ABCA3: variants seen among roughly 807,000 people sequenced by gnomAD.
ABCA3 encodes ATP binding cassette subfamily A member 3.
A neutral mutation model predicts 172.8 loss-of-function variants in ABCA3; 88 were observed. The ratio of observed to expected loss-of-function variants is 0.51; its 90% CI spans 0.43 to 0.61. The LOEUF (loss-of-function observed/expected upper bound fraction) is 0.61. ABCA3 is among the 20% of genes least tolerant of loss of function. The probability of loss-of-function intolerance (pLI) is 0.00; values close to 1 mark genes in which losing one functional copy is unlikely to be tolerated. For synonymous variants in ABCA3, 1,066 were observed against 983.8 expected, an observed-to-expected ratio of 1.08 and a Z score of -1.56; for missense variants, 2,164 against 2,301.0, an observed-to-expected ratio of 0.94 and a Z score of 1.22.
At chr16:2,332,813 G>T in intron 1 of ABCA3, 1 of 615,524 alleles carries the variant, frequency 1.6e-6, no homozygotes, top group Non-Finnish European at 2.8e-6. Context: ...ATTCCTATGT[G>T]CCCTTTTTTT....
intron 1 of ABCA3, among the ~76,000 whole-genome samples, chr16:2,333,959 T>C (rs2093747526): frequency 6.6e-6 from 1 of 152,166 alleles, no homozygotes; most frequent in Non-Finnish European, 1.5e-5. Flanking sequence ...AAGTGCATGC[T>C]GGGATTACAG....
intron 10 of ABCA3, among the ~76,000 whole-genome samples, chr16:2,316,490 CAAAAAAAAAA>C (rs71148128): frequency 1.5e-3 from 42 of 28,858 alleles, no homozygotes; most frequent in Non-Finnish European, 2.2e-3. Flanking sequence ...ACTAAAAATG[CAAAAAAAAAA>C]AAAAAAAAAA....
rs541616222 is a variant in ABCA3 at position 2,283,159 on chromosome 16, G to C, written c.4035+27C>G. On this transcript the variant is annotated intron_variant, in intron 26 of 32. Transcript: ENST00000301732. This position sits in a 1 kb window ranked among gnomAD's most constrained non-coding sequence, Gnocchi z 5.4. Reference sequence around the variant, plus strand: ...CAGAGACGTGGGGAGCATCTCGCCAGTGTCCTGGGCTCCCGGAGCCACTCA... The same window carrying C: ...CAGAGACGTGGGGAGCATCTCGCCACTGTCCTGGGCTCCCGGAGCCACTCA... 4.3e-6 allele frequency: 7 copies of C among 1,609,666 alleles called. No homozygotes were observed. The Admixed American group carries it at 6.7e-5, about 15-fold the overall frequency.
At chr16:2,318,960 T>G (rs1356482860) in intron 8 of ABCA3, among the ~76,000 whole-genome samples, 1 of 152,192 alleles carries the variant, frequency 6.6e-6, no homozygotes, top group East Asian at 1.9e-4. Flanking sequence ...TGCACACTTT[T>G]TTTTTTTTCA....
intron 1 of ABCA3, among the ~76,000 whole-genome samples, chr16:2,334,665 C>T (rs1046553587): frequency 1.3e-5 from 2 of 151,100 alleles, no homozygotes; most frequent in South Asian, 4.2e-4. Flanking sequence ...TACAGATGCC[C>T]GCCACCACAC....
Position 2,319,795 on chromosome 16 carries a change from C to G in ABCA3, c.659G>C (p.Arg220Pro). 1.2e-6 allele frequency: 2 copies of G among 1,613,992 alleles called. No homozygotes were observed. Among genetic ancestry groups the G allele is most frequent in the South Asian group, 1.1e-5 (1 of 91,082 alleles). The stretch of plus-strand genomic sequence containing the variant: ...ATCGGCATGGTACTCCATGATGGCC[C>G]GGTCCACAGCATGCTGCACGGCCAG... ...GFLAVQHAVD[R>P]AIMEYHADAA... Residue 220 changes from arginine (R) to proline (P), a missense_variant, in exon 8 of 33, where the codon CGG becomes CCG. Physicochemically the swap from Arg to Pro is moderately radical, Grantham distance 103 (BLOSUM62 -2). Coordinates refer to ENST00000301732, the MANE Select transcript of ABCA3 (RefSeq NM_001089.3).
chr16:2,321,980 A>G (rs1205783523), intron 7 of ABCA3, among the ~76,000 whole-genome samples: 2 of 152,132 alleles, frequency 1.3e-5, no homozygotes, highest in African/African-American at 4.8e-5. Context: ...TGGGTGAATC[A>G]TGAGGTCAAG....
At chr16:2,308,422 G>T (rs779407914) in intron 11 of ABCA3, 28 bp downstream of exon 11, 4 of 1,613,810 alleles carry the variant, frequency 2.5e-6, no homozygotes, top group South Asian at 1.1e-5. Flanking sequence ...GATTCGGAAA[G>T]AACAGGCTGG....
At chr16:2,307,417 T>C (rs2093699579) in intron 11 of ABCA3, among the ~76,000 whole-genome samples, 2 of 151,904 alleles carry the variant, frequency 1.3e-5, no homozygotes, top group African/African-American at 4.8e-5. Flanking sequence ...TAGATGGGCA[T>C]GGTGGTGCAT....
intron 19 of ABCA3, among the ~76,000 whole-genome samples, chr16:2,290,507 G>A (rs980743371): frequency 6.6e-6 from 1 of 152,206 alleles, no homozygotes. Flanking sequence ...GACCTTGAGA[G>A]ACAAGAGGCC....
At chr16:2,340,094 C>G (rs1480378449) in intron 1 of ABCA3, among the ~76,000 whole-genome samples, 1 of 152,230 alleles carries the variant, frequency 6.6e-6, no homozygotes, top group African/African-American at 2.4e-5. Flanking sequence ...GGAATCCAAC[C>G]CGGGCGGCTT....
chr16:2,280,115 ACTCTCT>A (rs145879113), intron 28 of ABCA3, among the ~76,000 whole-genome samples: 1 of 150,058 alleles, frequency 6.7e-6, no homozygotes, highest in African/African-American at 2.4e-5. Context: ...ACCCCCTGCC[ACTCTCT>A]CTCTCTCTTC....
chr16:2,291,089 A>G (rs2093671312), intron 19 of ABCA3, among the ~76,000 whole-genome samples: 1 of 151,646 alleles, frequency 6.6e-6, no homozygotes, highest in Non-Finnish European at 1.5e-5. Context: ...CACGCCTGTA[A>G]TCCCAGCACA....
chr16:2,325,162 C>T (rs1355557024), intron 5 of ABCA3, among the ~76,000 whole-genome samples: 1 of 152,182 alleles, frequency 6.6e-6, no homozygotes, highest in Non-Finnish European at 1.5e-5. Context: ...GCTTTCTCAT[C>T]ACTGTTTTCA....
At position 2,324,622 on chromosome 16, in the gene ABCA3, C is replaced by T. The variant is rs142896242; in HGVS notation, c.320-91G>A. On this transcript the variant is annotated intron_variant, in intron 5 of 32. Transcript: ENST00000301732. ...GTTCAGGTCACTGGCAGATGAAAGA[C>T]GGCAAATCCTCTAGGGCTTTGTAAA... 5.5e-3 allele frequency: 8,602 copies of T among 1,572,022 alleles called. 32 individuals are homozygous for T. Among genetic ancestry groups the T allele is most frequent in the Non-Finnish European group, 6.5e-3 (7,571 of 1,161,644 alleles).
chr16:2,323,371 C>T, intron 7 of ABCA3, 152 bp downstream of exon 7: 2 of 945,288 alleles, frequency 2.1e-6, no homozygotes, highest in Middle Eastern at 3.3e-4. Context: ...TTTATTGCGG[C>T]ACTATTCACA....
chr16:2,328,173 G>T (rs1446605462), intron 3 of ABCA3, among the ~76,000 whole-genome samples: 1 of 152,156 alleles, frequency 6.6e-6, no homozygotes, highest in Non-Finnish European at 1.5e-5. Flanking sequence ...GCAGAAATGA[G>T]AGCTTAGATC....
chr16:2,289,460 G>C lies in ABCA3; in HGVS notation c.2674C>G (p.Arg892Gly). The change falls in exon 20 of 33, where the codon CGC (arginine) becomes GGC (glycine). Residue 892 changes from arginine (R) to glycine (G), a missense_variant. This residue lies in a region of ABCA3 where 1,343 missense variants were observed against 1,369.6 expected (regional missense o/e 0.98). Coordinates refer to ENST00000301732, the MANE Select transcript of ABCA3 (RefSeq NM_001089.3). ...CCAGTGTTGAGCTTGACAGCGGTGC[G>C]CTCCTCCTCGATGAGGGCTCCAATG... ...DGIGALIEEE[R>G]TAVKLNTGLA... 1 of 1,591,948 alleles carries C rather than the reference G, an allele frequency of 6.3e-7. No individual in the cohort carries two copies. The highest frequency in any genetic ancestry group is 8.5e-7 in the Non-Finnish European group (1 of 1,171,252).
In ABCA3 at chr16:2,298,527, G is replaced by A. The variant is rs323043; in HGVS notation, c.1755C>T (p.Pro585=). ...CGCTGATGTATGCCCGTCCACTGGT[G>A]GGGGGAAAGAGACCTGGGGCCCAGC... ...TLSMLTGLFP[P]TSGRAYISGY... The change falls in exon 15 of 33, where the codon CCC becomes CCT. Residue 585 remains proline (P), a synonymous_variant. Coordinates refer to ENST00000301732, the MANE Select transcript of ABCA3 (RefSeq NM_001089.3). 1.1e-5 allele frequency: 18 copies of A among 1,613,390 alleles called. No individual in the cohort carries two copies. The highest frequency in any genetic ancestry group is 2.7e-5 in the African/African-American group (2 of 74,900).
Sources: allele counts gnomAD v4.1 joint callset (sites outside exome capture counted in the v4.1 genomes callset), GRCh38; gene constraint gnomAD v4.1.1; regional missense constraint gnomAD v4.1.1; non-coding constraint Gnocchi (gnomAD v3.1); transcripts MANE v1.5; gene names NCBI Gene and HGNC (gene_info 2026-07-23, HGNC 2026-07-21).